The following DYNC2H1 variants were observed in gnomAD, a reference collection of about 807,000 sequenced individuals.
DYNC2H1 encodes the protein cytoplasmic dynein 2 heavy chain 1.
A neutral mutation model predicts 570.0 loss-of-function variants in DYNC2H1; 410 were observed. The ratio of observed to expected loss-of-function variants is 0.72; its 90% CI spans 0.66 to 0.78. The LOEUF (loss-of-function observed/expected upper bound fraction) is 0.78. Ranked by LOEUF, DYNC2H1 falls within the 30% of genes least tolerant of loss-of-function variation. The probability of loss-of-function intolerance (pLI) is 0.00; values close to 1 mark genes in which losing one functional copy is unlikely to be tolerated. For synonymous variants in DYNC2H1, 1,688 were observed against 1,677.6 expected, an observed-to-expected ratio of 1.01 and a Z score of -0.15; for missense variants, 4,865 against 5,046.4, an observed-to-expected ratio of 0.96 and a Z score of 1.09.
chr11:103,166,949 G>A (rs796717931), intron 31 of DYNC2H1, among the ~76,000 whole-genome samples: 1 of 122,608 alleles, frequency 8.2e-6, no homozygotes, highest in African/African-American at 3.0e-5. Flanking sequence ...TGACATGGAT[G>A]TTAGACCTTT....
At chr11:103,175,112 T>A (rs957867670) in intron 36 of DYNC2H1, among the ~76,000 whole-genome samples, 2 of 152,154 alleles carry the variant, frequency 1.3e-5, no homozygotes, top group Non-Finnish European at 2.9e-5. Context: ...TTTATTCACA[T>A]AAAAATAATG....
chr11:103,366,559 C>G (rs1338761203), intron 83 of DYNC2H1, among the ~76,000 whole-genome samples: 1 of 151,926 alleles, frequency 6.6e-6, no homozygotes, highest in Non-Finnish European at 1.5e-5. Flanking sequence ...GATATTTTTA[C>G]CATTCATTCT....
intron 75 of DYNC2H1, among the ~76,000 whole-genome samples, chr11:103,300,973 G>T (rs1867022762): frequency 6.6e-6 from 1 of 151,758 alleles, no homozygotes; most frequent in African/African-American, 2.4e-5. Context: ...GGTAATTACA[G>T]GAGTATCAGA....
rs1473860564 is a variant in DYNC2H1, at chr11:103,220,025, A to G, written c.8943A>G (p.Val2981=). Residue 2981 remains valine, a synonymous_variant, in exon 56 of 89, where the codon GTA becomes GTG. Coordinates refer to ENST00000375735, the MANE Select transcript of DYNC2H1 (RefSeq NM_001377.3). ...AAATTGATGATGAATTAAAAGAAGT[A>G]CAAGTAAGTTAAAAAACATTCTAAG... ...KNKIDDELKE[V]QPLVNEAKLA... 2.8e-6 allele frequency: 4 copies of G among 1,415,576 alleles called. No homozygotes were observed. The East Asian group carries it at 8.5e-5, about 30-fold the overall frequency. 87.7% of individuals were successfully genotyped at this position (1,415,576 alleles called of 1,614,324 possible).
chr11:103,423,468 A>G (rs1943561601), intron 84 of DYNC2H1, among the ~76,000 whole-genome samples: 1 of 151,674 alleles, frequency 6.6e-6, no homozygotes, highest in African/African-American at 2.4e-5. Flanking sequence ...AAGATATACA[A>G]AAATTATCCC....
Position 103,256,030 on chromosome 11 carries a change from A to T in DYNC2H1, c.10327-76A>T. Reference sequence around the variant, plus strand: ...AGTTGCCATAAACATCAAATGAATGACAGTTAATATGGGTTTGCTTTAATT... The same window carrying T: ...AGTTGCCATAAACATCAAATGAATGTCAGTTAATATGGGTTTGCTTTAATT... On this transcript the variant is annotated intron_variant, in intron 67 of 88. Coordinates refer to ENST00000375735, the MANE Select transcript of DYNC2H1 (RefSeq NM_001377.3). This position sits in a 1 kb window ranked among gnomAD's most constrained non-coding sequence, Gnocchi z 4.0. The T allele has an allele frequency of 8.0e-7, 1 of 1,255,020 alleles. No individual in the cohort carries two copies. The highest frequency in any genetic ancestry group is 1.1e-6 in the Non-Finnish European group (1 of 924,322). The allele number at this position is 1,255,020 out of a possible 1,614,324, so 77.7% of individuals were successfully genotyped here.
intron 13 of DYNC2H1, among the ~76,000 whole-genome samples, chr11:103,132,690 T>A (rs1332376732): frequency 1.3e-5 from 2 of 151,612 alleles, no homozygotes; most frequent in Non-Finnish European, 2.9e-5. Context: ...AGTTTCCTGC[T>A]GGGCCCTACA....
chr11:103,337,167 A>G (rs1420839472), intron 82 of DYNC2H1, among the ~76,000 whole-genome samples: 4 of 152,212 alleles, frequency 2.6e-5, no homozygotes, highest in Non-Finnish European at 5.9e-5. Context: ...GCCAGAGCCT[A>G]TCCCTTTATT....
At position 103,439,419 on chromosome 11, in the gene DYNC2H1, G is replaced by T. The variant is rs1234414359; in HGVS notation, c.12456+3387G>T. 6.6e-6 allele frequency among the ~76,000 whole-genome samples: 1 copy of T among 152,122 alleles called. No individual in the cohort carries two copies. The highest frequency in any genetic ancestry group is 1.5e-5 in the Non-Finnish European group (1 of 68,022). ...AGCAAAGCATAGATTGCAAGGAGGG[G>T]TGTTCAGGCTGGAGGGCAAGAGGGG... On this transcript the variant is annotated intron_variant, in intron 85 of 88. Coordinates refer to ENST00000375735, the MANE Select transcript of DYNC2H1 (RefSeq NM_001377.3). The surrounding 1 kb of genome is among the most constrained non-coding windows in gnomAD (Gnocchi z 4.1).
Position 103,363,725 on chromosome 11 carries a change from A to G in DYNC2H1, c.12156+5366A>G, listed in dbSNP as rs1940766786. 1.3e-5 allele frequency among the ~76,000 whole-genome samples: 2 copies of G among 152,266 alleles called. No homozygotes were observed. The highest frequency in any genetic ancestry group is 1.9e-4 in the East Asian group (1 of 5,202). On this transcript the variant is annotated intron_variant, in intron 83 of 88. Transcript: ENST00000375735. The surrounding 1 kb of genome is among the most constrained non-coding windows in gnomAD (Gnocchi z 5.6). ...ATTGGAAAATATAAATTAAGTCTAC[A>G]TTACTGATTGTGACTAATAATTTAA...
rs1460924683 is a variant in DYNC2H1 at position 103,255,546 on chromosome 11, G to T, written c.10326+12G>T. The T allele has an allele frequency of 6.6e-7, 1 of 1,518,650 alleles. No homozygotes were observed. Among genetic ancestry groups the T allele is most frequent in the East Asian group, 2.5e-5 (1 of 39,750 alleles). The allele number at this position is 1,518,650 out of a possible 1,614,324, so 94.1% of individuals were successfully genotyped here. ...AATCTCTTCTAGAGGTAAAAGTCTA[G>T]CTATTTAGGTTACTTTTTTCGTATT... On this transcript the variant is annotated intron_variant, in intron 67 of 88. Transcript: ENST00000375735.
At chr11:103,148,758 AGCTCAT>A in intron 20 of DYNC2H1, 141 bp downstream of exon 20, 2 of 1,125,732 alleles carry the variant, frequency 1.8e-6, no homozygotes, top group Non-Finnish European at 2.4e-6. Flanking sequence ...TTACCTGGTT[AGCTCAT>A]GATTAGACTC....
intron 83 of DYNC2H1, among the ~76,000 whole-genome samples, chr11:103,358,706 T>A (rs1940483161): frequency 6.6e-6 from 1 of 152,184 alleles, no homozygotes. Context: ...CCAACTTTTT[T>A]TTAAGTGACA....
intron 26 of DYNC2H1, 34 bp from the exon 27 acceptor site, chr11:103,158,643 A>C (rs762924629): frequency 9.4e-6 from 14 of 1,494,724 alleles, no homozygotes; most frequent in Non-Finnish European, 1.2e-5. Flanking sequence ...AAATTGTTAA[A>C]GTAGATGTGA....
chr11:103,229,072 C>T (rs1393814077), intron 59 of DYNC2H1, among the ~76,000 whole-genome samples: 1 of 152,174 alleles, frequency 6.6e-6, no homozygotes, highest in African/African-American at 2.4e-5. Flanking sequence ...GTCCTAAAGG[C>T]TGGTCTCACT....
intron 82 of DYNC2H1, among the ~76,000 whole-genome samples, chr11:103,327,010 A>C (rs1349262980): frequency 6.6e-6 from 1 of 152,158 alleles, no homozygotes; most frequent in African/African-American, 2.4e-5. Context: ...CTAGGATTCC[A>C]TAGGTCCAAG....
chr11:103,235,972 A>G (rs1228944370), intron 62 of DYNC2H1, among the ~76,000 whole-genome samples, 159 bp downstream of exon 62: 2 of 151,930 alleles, frequency 1.3e-5, no homozygotes, highest in African/African-American at 2.4e-5. Flanking sequence ...TAGCTACTTT[A>G]GATTTGCTGA....
At chr11:103,166,733 T>C (rs933031244) in intron 31 of DYNC2H1, among the ~76,000 whole-genome samples, 2 of 152,110 alleles carry the variant, frequency 1.3e-5, no homozygotes, top group Non-Finnish European at 2.9e-5. Flanking sequence ...TTTTTTTTTC[T>C]GGCAGCATTC....
In DYNC2H1 at chr11:103,210,958, A is replaced by AT. The variant is rs1230856389; in HGVS notation, c.8540-830dup. 2.6e-5 allele frequency among the ~76,000 whole-genome samples: 4 copies of AT among 152,084 alleles called. No individual in the cohort carries two copies. The East Asian group carries it at 7.7e-4, about 29-fold the overall frequency. On this transcript the variant is annotated intron_variant, in intron 53 of 88. Transcript: ENST00000375735. ...TACCAGAATTTCATTTTAGAAACAAATATCTTTATATATCCCTTTCTTCAG... is the reference window on the plus strand; with the variant it reads ...TACCAGAATTTCATTTTAGAAACAAATTATCTTTATATATCCCTTTCTTCAG...
Sources: gnomAD v4.1 joint callset for allele counts (sites outside exome capture counted in the v4.1 genomes callset) on GRCh38, gnomAD v4.1.1 for gene constraint, Gnocchi (gnomAD v3.1) non-coding constraint, MANE v1.5 for transcripts, NCBI Gene and HGNC (gene_info 2026-07-23, HGNC 2026-07-21) for gene names.